Variants in RC3H1 observed in about 807,000 individuals in gnomAD.
RC3H1 encodes the protein ring finger and CCCH-type domains 1.
In RC3H1, 50 loss-of-function variants were observed where a neutral mutation model predicts 138.2. The observed-to-expected ratio is 0.36, with a 90% CI of 0.29 to 0.46. The LOEUF is 0.46. RC3H1 is among the 20% of genes least tolerant of loss of function. The probability of loss-of-function intolerance (pLI) is 1.00; values close to 1 mark genes in which losing one functional copy is unlikely to be tolerated. For missense variants in RC3H1, 1,031 were observed against 1,388.1 expected, an observed-to-expected ratio of 0.74 and a Z score of 4.09; for synonymous variants, 462 against 489.1, an observed-to-expected ratio of 0.94 and a Z score of 0.73.
chr1:173,982,587 A>C (rs1161923674), intron 5 of RC3H1, 140 bp downstream of exon 5: 55 of 632,146 alleles, frequency 8.7e-5, no homozygotes, highest in Non-Finnish European at 6.5e-5. Flanking sequence ...CCCCATCTAC[A>C]TTCTTTAAAA....
At chr1:174,019,975 G>A (rs576631237) in intron 1 of RC3H1, among the ~76,000 whole-genome samples, 3 of 152,012 alleles carry the variant, frequency 2.0e-5, no homozygotes, top group South Asian at 2.1e-4. Context: ...GACATAACAC[G>A]GTGAGATTGT....
chr1:173,994,083 C>A (rs1661402633), intron 1 of RC3H1, among the ~76,000 whole-genome samples: 1 of 138,546 alleles, frequency 7.2e-6, no homozygotes, highest in Admixed American at 7.2e-5. Context: ...GGAAGAATTA[C>A]TGAACAAGAC....
At chr1:173,948,747 G>A (rs1265833566) in intron 14 of RC3H1, among the ~76,000 whole-genome samples, 1 of 151,702 alleles carries the variant, frequency 6.6e-6, no homozygotes, top group African/African-American at 2.4e-5. Flanking sequence ...CACCACACCT[G>A]GCTAATTAAA....
At position 173,931,651 on chromosome 1, in the gene RC3H1, G is replaced by GA. The variant is rs1658384181; in HGVS notation, c.*7069dup. 6.6e-6 allele frequency: 1 copy of GA among 152,126 alleles called. No homozygotes were observed. Among genetic ancestry groups the GA allele is most frequent in the Non-Finnish European group, 1.5e-5 (1 of 68,004 alleles). 9.4% of individuals were successfully genotyped at this position (152,126 alleles called of 1,614,324 possible). On this transcript the variant is annotated 3_prime_UTR_variant, in exon 20 of 20. Transcript: ENST00000367696. ...AATATTAAACAGATTAAAAACAAGA[G>GA]AAAAACGGTCTATTTCAAATAGGGT...
At chr1:173,971,730 A>C (rs766245844) in intron 8 of RC3H1, among the ~76,000 whole-genome samples, 14 of 152,156 alleles carry the variant, frequency 9.2e-5, no homozygotes, top group Non-Finnish European at 2.1e-4. Context: ...TAAAGCTTTG[A>C]CCTGTGTTAG....
At chr1:173,955,650 T>C (rs1257863740) in intron 13 of RC3H1, among the ~76,000 whole-genome samples, 2 of 151,950 alleles carry the variant, frequency 1.3e-5, no homozygotes, top group Admixed American at 6.6e-5. Context: ...ATAAACACTA[T>C]GTCAACAATG....
At chr1:174,000,520 G>C (rs1661544550) in intron 1 of RC3H1, among the ~76,000 whole-genome samples, 1 of 152,110 alleles carries the variant, frequency 6.6e-6, no homozygotes, top group African/African-American at 2.4e-5. Context: ...ATTAACACCA[G>C]GTCTTACATA....
chr1:173,940,085 T>A (rs899004360), intron 19 of RC3H1, among the ~76,000 whole-genome samples: 1 of 152,170 alleles, frequency 6.6e-6, no homozygotes, highest in African/African-American at 2.4e-5. Context: ...AGAATAATAC[T>A]GGATGATATA....
chr1:173,947,069 CT>C (rs1659168597), intron 15 of RC3H1, among the ~76,000 whole-genome samples: 1 of 152,108 alleles, frequency 6.6e-6, no homozygotes, highest in Non-Finnish European at 1.5e-5. Flanking sequence ...TGTAGTTTTT[CT>C]TCCAAATTAC....
intron 6 of RC3H1, among the ~76,000 whole-genome samples, chr1:173,979,726 T>C (rs998971205): frequency 7.2e-5 from 11 of 152,316 alleles, no homozygotes; most frequent in African/African-American, 2.6e-4. Flanking sequence ...AATAGATCAT[T>C]ACTAAGCGTT....
chr1:173,938,702 A>C lies in RC3H1; in HGVS notation c.*19T>G, dbSNP rs1206043001. On this transcript the variant is annotated 3_prime_UTR_variant, in exon 20 of 20. Transcript: ENST00000367696. The stretch of plus-strand genomic sequence containing the variant: ...CAAACTGATTAGGAGCAGAAGATAA[A>C]AGTAGGACTCCTCATATTTTAAGGA... 1 of 1,578,130 alleles carries C rather than the reference A, an allele frequency of 6.3e-7. No homozygotes were observed. The highest frequency in any genetic ancestry group is 1.8e-5 in the Admixed American group (1 of 55,506).
intron 19 of RC3H1, among the ~76,000 whole-genome samples, chr1:173,940,638 TGTTTTTTC>T (rs1232365716): frequency 2.3e-5 from 3 of 132,654 alleles, no homozygotes; most frequent in African/African-American, 8.2e-5. Flanking sequence ...CTTTATTTTT[TGTTTTTTC>T]TTTTTTTTTA....
rs1017136844 is a variant in RC3H1, at chr1:173,938,593, C to A, written c.*128G>T. 2 of 595,044 alleles carry A rather than the reference C, an allele frequency of 3.4e-6. No individual in the cohort carries two copies. The highest frequency in any genetic ancestry group is 1.9e-5 in the African/African-American group (1 of 53,458). 36.9% of individuals were successfully genotyped at this position (595,044 alleles called of 1,614,324 possible). On this transcript the variant is annotated 3_prime_UTR_variant, in exon 20 of 20. Coordinates refer to ENST00000367696, the MANE Select transcript of RC3H1 (RefSeq NM_172071.4). The stretch of plus-strand genomic sequence containing the variant: ...TTAGTAGTGGTGTTTGTGCACATTG[C>A]CTCTGGTGAATTTCCTGGATTTCTC...
At chr1:173,946,715 T>C (rs1659153344) in intron 16 of RC3H1, 31 bp downstream of exon 16, 2 of 1,601,772 alleles carry the variant, frequency 1.2e-6, no homozygotes, top group Admixed American at 1.7e-5. Context: ...GGTTTCTACA[T>C]GTTTGTTCAA....
chr1:173,990,546 C>T (rs989889513), intron 2 of RC3H1, among the ~76,000 whole-genome samples: 8 of 150,920 alleles, frequency 5.3e-5, no homozygotes, highest in South Asian at 4.2e-4. Context: ...GTCTTTCTTA[C>T]GTGTGTAAGA....
chr1:173,984,403 G>A, intron 3 of RC3H1, 96 bp downstream of exon 3: 1 of 1,182,574 alleles, frequency 8.5e-7, no homozygotes, highest in Non-Finnish European at 1.1e-6. Flanking sequence ...CTCTAGTTAG[G>A]TTTTTTGGGA....
chr1:174,009,762 C>T (rs1438613310), intron 1 of RC3H1, among the ~76,000 whole-genome samples: 2 of 152,144 alleles, frequency 1.3e-5, no homozygotes, highest in African/African-American at 4.8e-5. Flanking sequence ...CACTTGAACC[C>T]GGGAGGCAGA....
At position 174,005,445 on chromosome 1, in the gene RC3H1, T is replaced by A. The variant is rs184768540; in HGVS notation, c.-150-12310A>T. Reference sequence around the variant, plus strand: ...TCTGGTGATTATATAATTAAGATAGTTTTACATATATAAATTTCATTATAG... The same window carrying A: ...TCTGGTGATTATATAATTAAGATAGATTTACATATATAAATTTCATTATAG... On this transcript the variant is annotated intron_variant, in intron 1 of 19. Transcript: ENST00000367696. 4.1e-3 allele frequency among the ~76,000 whole-genome samples: 622 copies of A among 152,342 alleles called. 3 individuals carry two copies. Among genetic ancestry groups the A allele is most frequent in the Middle Eastern group, 0.014 (4 of 294 alleles).
At chr1:174,012,767 AGAGT>A (rs1243385764) in intron 1 of RC3H1, among the ~76,000 whole-genome samples, 1 of 149,036 alleles carries the variant, frequency 6.7e-6, no homozygotes, top group Non-Finnish European at 1.5e-5. Flanking sequence ...CTGGGCGACA[AGAGT>A]GAGACTCTGT....
Sources: gnomAD v4.1 joint callset for allele counts (sites outside exome capture counted in the v4.1 genomes callset) on GRCh38, gnomAD v4.1.1 for gene constraint, MANE v1.5 for transcripts, NCBI Gene and HGNC (gene_info 2026-07-23, HGNC 2026-07-21) for gene names.